Variants in SSC5D observed in about 807,000 individuals in gnomAD.
The protein encoded by SSC5D is soluble scavenger receptor cysteine-rich domain-containing protein SSC5D.
A neutral mutation model predicts 104.6 loss-of-function variants in SSC5D; 106 were observed. The observed-to-expected ratio is 1.01, with a 90% CI of 0.87 to 1.19. SSC5D has a LOEUF of 1.19. Among genes scored for constraint, SSC5D ranks in the 50% most tolerant of loss-of-function variants. SSC5D has a pLI of 0.00. For missense variants in SSC5D, 1,993 were observed against 2,153.8 expected (o/e 0.93, Z 1.48); for synonymous variants, 860 against 883.5 (o/e 0.97, Z 0.47).
chr19:55,509,850 CAAAAA>C (rs1250937223), intron 12 of SSC5D, among the ~76,000 whole-genome samples: 29,869 of 74,624 alleles, frequency 0.4, 2,863 homozygotes, highest in Admixed American at 0.46. Context: ...AACTCTGTCT[CAAAAA>C]AAAAAAAAAA....
At position 55,499,979 on chromosome 19, in the gene SSC5D, A is replaced by G; in HGVS notation, c.1869A>G (p.Lys623=). The G allele has an allele frequency of 6.4e-7, 1 of 1,551,910 alleles. No individual in the cohort carries two copies. The highest frequency in any genetic ancestry group is 2.4e-5 in the East Asian group (1 of 40,900). ...AAACAACCACGAAGGCCCCAGGGAA[A>G]ATGCCTAAGAGTACTAAGAAGTGGG... ...LEKTTTKAPG[K]MPKSTKKWVT... Residue 623 remains lysine (K), a synonymous_variant, in exon 10 of 14, where the codon AAA becomes AAG. Transcript: ENST00000389623.
In SSC5D at chr19:55,501,064, G is replaced by C. The variant is rs1987487978; in HGVS notation, c.2648G>C (p.Trp883Ser). The change falls in exon 12 of 14, where the codon TGG becomes TCG. Residue 883 changes from tryptophan to serine, a missense_variant. By Grantham distance (177) the Trp-to-Ser change is radical. Transcript: ENST00000389623. ...GYTDYDDYPP[W>S]TWDPTSREDL... The stretch of plus-strand genomic sequence containing the variant: ...ACAGACTATGACGATTATCCCCCCT[G>C]GACCTGGGACCCCACCTCAAGAGAG... 4.5e-6 allele frequency: 7 copies of C among 1,551,854 alleles called. No individual in the cohort carries two copies. Among genetic ancestry groups the C allele is most frequent in the Non-Finnish European group, 6.1e-6 (7 of 1,147,000 alleles).
rs1987373902 is a variant in SSC5D at position 55,498,102 on chromosome 19, G to C, written c.1610G>C (p.Cys537Ser). The part of the protein sequence containing the change: ...AGPIWLDDVG[C>S]VGTEASLSDC... ...CCCATCTGGCTAGATGATGTGGGCT[G>C]TGTGGGGACCGAGGCTTCACTGTCC... Residue 537 changes from cysteine to serine, a missense_variant, in exon 9 of 14, where the codon TGT (cysteine) becomes TCT (serine). Cys to Ser is a moderately radical substitution (Grantham distance 112, BLOSUM62 -1). Around this residue, in one of 6 missense-constraint regions of SSC5D, gnomAD observed 1,101 missense variants for 1,085.0 expected, o/e 1.01. Transcript: ENST00000389623. 1 of 1,551,744 alleles carries C rather than the reference G, an allele frequency of 6.4e-7. No homozygotes were observed.
At chr19:55,497,274 A>AAAC (rs1307584178) in intron 8 of SSC5D, among the ~76,000 whole-genome samples, 1 of 152,206 alleles carries the variant, frequency 6.6e-6, no homozygotes, top group Non-Finnish European at 1.5e-5. Context: ...CCTGACTCAT[A>AAAC]AACAACAACA....
chr19:55,501,219 G>C lies in SSC5D; in HGVS notation c.2785+18G>C. On this transcript the variant is annotated intron_variant, in intron 12 of 13. Coordinates refer to ENST00000389623, the MANE Select transcript of SSC5D (RefSeq NM_001144950.2). ...GGACACAGGTGAGAGGCCTGATTGG[G>C]GTGGCCATGGAGGGCCTCCATAAAC... 6.7e-7 allele frequency: 1 copy of C among 1,490,800 alleles called. No individual in the cohort carries two copies. The highest frequency in any genetic ancestry group is 8.9e-7 in the Non-Finnish European group (1 of 1,122,654). The allele number at this position is 1,490,800 out of a possible 1,614,324, so 92.3% of individuals were successfully genotyped here. A position where few individuals can be genotyped will look rare whatever the true frequency, so the allele number is the denominator to read the frequency against.
Position 55,491,034 on chromosome 19 carries a change from C to A in SSC5D, c.849C>A (p.Gly283=), listed in dbSNP as rs1987129919. 6.5e-7 allele frequency: 1 copy of A among 1,550,224 alleles called. No homozygotes were observed. Among genetic ancestry groups the A allele is most frequent in the South Asian group, 1.2e-5 (1 of 84,026 alleles). Residue 283 remains glycine, a synonymous_variant, in exon 6 of 14, where the codon GGC becomes GGA. Transcript: ENST00000389623. ...ALRDCPRSPW[G]RSNCDHSEDA... ...GAGACTGCCCCCGAAGCCCCTGGGG[C>A]CGGAGCAACTGTGACCACAGCGAGG... is the stretch of plus-strand genomic sequence containing the variant.
At chr19:55,499,652 T>C (rs1987417193) in intron 9 of SSC5D, among the ~76,000 whole-genome samples, 164 bp from the exon 10 acceptor site, 1 of 152,054 alleles carries the variant, frequency 6.6e-6, no homozygotes, top group African/African-American at 2.4e-5. Flanking sequence ...TCTAATATGG[T>C]GTGTGGCTCA....
chr19:55,507,665 CA>C (rs61340967), intron 12 of SSC5D, among the ~76,000 whole-genome samples: 969 of 75,958 alleles, frequency 0.013, 4 homozygotes, highest in African/African-American at 0.054. Context: ...GACTCCGTCT[CA>C]AAAAAAAAAA....
In SSC5D at chr19:55,500,358, G is replaced by A. The variant is rs1341212550; in HGVS notation, c.2248G>A (p.Glu750Lys). Residue 750 changes from glutamate (E) to lysine (K), a missense_variant, in exon 10 of 14, where the codon GAG becomes AAG. Physicochemically the swap from Glu to Lys is moderately conservative, Grantham distance 56. Transcript: ENST00000389623. This position sits in a 1 kb window ranked among gnomAD's most constrained non-coding sequence, Gnocchi z 4.6. ...PSAEIPEGSP[E>K]SPKDPAPSPS... The stretch of plus-strand genomic sequence containing the variant: ...TGCTGAGATCCCAGAAGGGTCTCCA[G>A]AGTCACCCAAAGACCCGGCCCCCTC... 7.1e-6 allele frequency: 11 copies of A among 1,551,314 alleles called. No individual in the cohort carries two copies. In the East Asian group the frequency reaches 2.0e-4, roughly 28 times the overall value.
intron 4 of SSC5D, 82 bp from the exon 5 acceptor site, chr19:55,490,216 C>A: frequency 1.5e-6 from 1 of 646,892 alleles, no homozygotes; most frequent in Non-Finnish European, 2.8e-6. Flanking sequence ...ACTTCAGACC[C>A]TCAGAGACGG....
chr19:55,489,229 C>T (rs1245580907), intron 2 of SSC5D, 125 bp from the exon 3 acceptor site: 4 of 1,172,322 alleles, frequency 3.4e-6, no homozygotes. Flanking sequence ...GGCCCAGGGG[C>T]CAGTGAGCAG....
chr19:55,512,505 G>A (rs1185139113), intron 12 of SSC5D, among the ~76,000 whole-genome samples: 4 of 149,436 alleles, frequency 2.7e-5, no homozygotes, highest in Admixed American at 1.3e-4. Context: ...TTTTTGAGGC[G>A]GTGTCTCGCT....
In SSC5D at chr19:55,518,678, G is replaced by A; in HGVS notation, c.4402G>A (p.Gly1468Ser). 1 of 1,546,610 alleles carries A rather than the reference G, an allele frequency of 6.5e-7. No individual in the cohort carries two copies. The highest frequency in any genetic ancestry group is 2.0e-5 in the Admixed American group (1 of 50,424). Reference protein sequence around the residue: ...TLGPTPGQSPGPHGPCVAPTP... With the variant: ...TLGPTPGQSPSPHGPCVAPTP... Reference sequence around the variant, plus strand: ...AGGGCCAACTCCTGGTCAGAGCCCAGGCCCCCATGGTCCATGTGTGGCCCC... The same window carrying A: ...AGGGCCAACTCCTGGTCAGAGCCCAAGCCCCCATGGTCCATGTGTGGCCCC... The change falls in exon 14 of 14, where the codon GGC becomes AGC. Residue 1468 changes from glycine (G) to serine (S), a missense_variant. Physicochemically the swap from Gly to Ser is moderately conservative, Grantham distance 56. This residue lies in a region of SSC5D where 349 missense variants were observed against 397.6 expected (regional missense o/e 0.88). Coordinates refer to ENST00000389623, the MANE Select transcript of SSC5D (RefSeq NM_001144950.2).
chr19:55,495,234 T>TATATAA (rs56232242), intron 8 of SSC5D, among the ~76,000 whole-genome samples: 5 of 22,246 alleles, frequency 2.2e-4, no homozygotes, highest in Admixed American at 1.8e-3. Flanking sequence ...TATATATATA[T>TATATAA]TTTTTTTTTT....
At chr19:55,510,572 C>T (rs1269993410) in intron 12 of SSC5D, among the ~76,000 whole-genome samples, 4 of 152,098 alleles carry the variant, frequency 2.6e-5, no homozygotes, top group Admixed American at 6.5e-5. Flanking sequence ...TAGTCTCAAA[C>T]TCCTGACCTC....
chr19:55,488,712 TC>T, intron 1 of SSC5D, 98 bp downstream of exon 1: 1 of 1,084,500 alleles, frequency 9.2e-7, no homozygotes, highest in Non-Finnish European at 1.4e-6. Flanking sequence ...CCGGGACTGG[TC>T]GCTGGTGCTC....
intron 12 of SSC5D, among the ~76,000 whole-genome samples, chr19:55,512,074 C>T (rs761514200): frequency 6.6e-5 from 10 of 151,704 alleles, no homozygotes; most frequent in Non-Finnish European, 1.3e-4. Context: ...CACGGTGGCT[C>T]ACACCTGTAG....
intron 7 of SSC5D, 55 bp from the exon 8 acceptor site, chr19:55,494,555 G>A (rs559145299): frequency 3.3e-4 from 473 of 1,445,882 alleles, no homozygotes; most frequent in Non-Finnish European, 1.7e-4. Context: ...TGGGGGTGCC[G>A]GCTCCGGGAT....
At position 55,493,725 on chromosome 19, in the gene SSC5D, C is replaced by T; in HGVS notation, c.1026C>T (p.Cys342=). Residue 342 remains cysteine (C), a synonymous_variant, in exon 7 of 14, where the codon TGC becomes TGT. Transcript: ENST00000389623. ...ACCTGCGAGACGCCGCTGTGGCCTG[C>T]CGAGAGCTGGGCTGCGGAGGGGCGC... ...AWDLRDAAVA[C]RELGCGGALA... 6.6e-7 allele frequency: 1 copy of T among 1,519,756 alleles called. No homozygotes were observed. The highest frequency in any genetic ancestry group is 8.8e-7 in the Non-Finnish European group (1 of 1,136,694). 94.1% of individuals were successfully genotyped at this position (1,519,756 alleles called of 1,614,324 possible).
Sources: gnomAD v4.1 joint callset for allele counts (sites outside exome capture counted in the v4.1 genomes callset) on GRCh38, gnomAD v4.1.1 for gene constraint, gnomAD v4.1.1 regional missense constraint, Gnocchi (gnomAD v3.1) non-coding constraint, MANE v1.5 for transcripts, NCBI Gene and HGNC (gene_info 2026-07-23, HGNC 2026-07-21) for gene names.